Variants in CAPN3 observed in about 807,000 individuals in gnomAD.
CAPN3 encodes calpain 3, also known as calpain-3.
A neutral mutation model predicts 114.0 loss-of-function variants in CAPN3; 88 were observed. The ratio of observed to expected loss-of-function variants is 0.77; its 90% confidence interval spans 0.65 to 0.92. The LOEUF (loss-of-function observed/expected upper bound fraction) is 0.92. CAPN3 is among the 40% of genes least tolerant of loss of function. CAPN3 has a pLI of 0.00. For missense variants in CAPN3, 1,028 were observed against 1,069.0 expected (o/e 0.96, Z 0.53); for synonymous variants, 386 against 382.9 (o/e 1.01, Z -0.09).
rs121434546 is a variant in CAPN3 at position 42,360,062 on chromosome 15, C to T, written c.257C>T (p.Ser86Phe). The change falls in exon 1 of 24, where the codon TCT becomes TTT. Residue 86 changes from serine to phenylalanine, a missense_variant. Coordinates refer to ENST00000397163, the MANE Select transcript of CAPN3 (RefSeq NM_000070.3). ...VDPEFPPDET[S>F]LFYSQKFPIQ... Reference sequence around the variant, plus strand: ...CCTGAGTTCCCACCGGATGAGACCTCTCTCTTTTATAGCCAGAAGTTCCCC... The same window carrying T: ...CCTGAGTTCCCACCGGATGAGACCTTTCTCTTTTATAGCCAGAAGTTCCCC... The T allele has an allele frequency of 6.2e-7, 1 of 1,614,118 alleles. No homozygotes were observed. The highest frequency in any genetic ancestry group is 8.5e-7 in the Non-Finnish European group (1 of 1,180,040).
At chr15:42,390,462 G>A (rs2053524546) in intron 6 of CAPN3, among the ~76,000 whole-genome samples, 2 of 152,004 alleles carry the variant, frequency 1.3e-5, no homozygotes, top group Non-Finnish European at 2.9e-5. Flanking sequence ...TATGTTCCAG[G>A]CACTCCTCTA....
At chr15:42,385,324 G>A (rs2053364547) in intron 2 of CAPN3, among the ~76,000 whole-genome samples, 1 of 152,100 alleles carries the variant, frequency 6.6e-6, no homozygotes, top group African/African-American at 2.4e-5. Flanking sequence ...TTCCTGCAGA[G>A]CCCTGGGCAT....
intron 2 of CAPN3, chr15:42,385,687 C>T: frequency 1.9e-6 from 1 of 520,318 alleles, no homozygotes; most frequent in South Asian, 1.4e-5. Context: ...AGACGGGTTC[C>T]AGGGCAGCTG....
At chr15:42,396,745 C>A in intron 8 of CAPN3, 55 bp from the exon 9 acceptor site, 1 of 1,378,100 alleles carries the variant, frequency 7.3e-7, no homozygotes, top group Non-Finnish European at 1.0e-6. Context: ...CTGTCCCAAC[C>A]TACATCAGGC....
intron 1 of CAPN3, among the ~76,000 whole-genome samples, chr15:42,371,666 CAAG>C (rs1468852145): frequency 6.6e-6 from 1 of 152,054 alleles, no homozygotes; most frequent in Non-Finnish European, 1.5e-5. Context: ...TTCACTCTCT[CAAG>C]AATACTTTTT....
rs1216529297 is a variant in CAPN3 at position 42,387,526 on chromosome 15, G to A, written c.499-227G>A. Among the ~76,000 whole-genome samples the A allele has an allele frequency of 2.6e-5, 4 of 152,204 alleles. No individual in the cohort carries two copies. In the East Asian group the frequency reaches 7.7e-4, roughly 29 times the overall value. On this transcript the variant is annotated intron_variant, in intron 3 of 23. Coordinates refer to ENST00000397163, the MANE Select transcript of CAPN3 (RefSeq NM_000070.3). ...CATTACTGGGCTGGACTCTGTGGAA[G>A]ACATGAAGTATATGTAACTCACTTC...
At chr15:42,405,132 T>C (rs1221462288) in intron 14 of CAPN3, among the ~76,000 whole-genome samples, 1 of 152,096 alleles carries the variant, frequency 6.6e-6, no homozygotes, top group Non-Finnish European at 1.5e-5. Flanking sequence ...GCCGCAGGGA[T>C]TACAGGCCCA....
intron 1 of CAPN3, among the ~76,000 whole-genome samples, chr15:42,383,483 G>A (rs2141152953): frequency 6.6e-6 from 1 of 152,046 alleles, no homozygotes; most frequent in South Asian, 2.1e-4. Flanking sequence ...CAGCTACTCG[G>A]GAGGCTGAGA....
chr15:42,392,501 C>T (rs1414931090), intron 6 of CAPN3, 138 bp from the exon 7 acceptor site: 4 of 699,480 alleles, frequency 5.7e-6, no homozygotes, highest in Non-Finnish European at 7.8e-6. Context: ...CGTTCGTGGT[C>T]GTGAGGCACA....
chr15:42,401,845 A>T (rs773078302), intron 11 of CAPN3, 35 bp downstream of exon 11: 1 of 1,597,610 alleles, frequency 6.3e-7, no homozygotes, highest in Non-Finnish European at 8.5e-7. Flanking sequence ...CCCAGGAAAC[A>T]TACTTTCCCA....
chr15:42,380,793 G>T (rs1451285305), intron 1 of CAPN3, among the ~76,000 whole-genome samples: 10 of 99,072 alleles, frequency 1.0e-4, no homozygotes, highest in Non-Finnish European at 1.3e-4. Flanking sequence ...GTTTTGCCAT[G>T]TTGCCCAGGC....
chr15:42,380,344 A>G (rs1482442171), intron 1 of CAPN3, among the ~76,000 whole-genome samples: 1 of 49,518 alleles, frequency 2.0e-5, no homozygotes, highest in African/African-American at 7.6e-5. Flanking sequence ...ATCCTATTTT[A>G]TCCTTTTACC....
At chr15:42,372,555 G>T (rs1435068116) in intron 1 of CAPN3, among the ~76,000 whole-genome samples, 3 of 152,070 alleles carry the variant, frequency 2.0e-5, no homozygotes, top group East Asian at 1.9e-4. Flanking sequence ...TTGAGTCAAG[G>T]TCTCATTCTT....
intron 7 of CAPN3, among the ~76,000 whole-genome samples, chr15:42,393,579 T>C (rs2053612626): frequency 6.6e-6 from 1 of 150,820 alleles, no homozygotes; most frequent in Non-Finnish European, 1.5e-5. Flanking sequence ...CAGGGGCCTT[T>C]TGTCTTTCTT....
intron 1 of CAPN3, among the ~76,000 whole-genome samples, chr15:42,376,986 A>G (rs2053105639): frequency 6.6e-6 from 1 of 152,212 alleles, no homozygotes; most frequent in African/African-American, 2.4e-5. Context: ...TGGTATATAG[A>G]AAACTAATTG....
rs2053810540 is a variant in CAPN3 at position 42,399,670 on chromosome 15, T to C, written c.1354+18T>C. The C allele has an allele frequency of 3.2e-6, 5 of 1,584,334 alleles. No individual in the cohort carries two copies. Among genetic ancestry groups the C allele is most frequent in the Non-Finnish European group, 4.3e-6 (5 of 1,163,706 alleles). ...CTTCCCAGGTGGGAGATGCTCTTGATGGGGGGAGGGTCTAAGCCGAAAAAG... is the reference window on the plus strand; with the variant it reads ...CTTCCCAGGTGGGAGATGCTCTTGACGGGGGGAGGGTCTAAGCCGAAAAAG... On this transcript the variant is annotated intron_variant, in intron 10 of 23. Coordinates refer to ENST00000397163, the MANE Select transcript of CAPN3 (RefSeq NM_000070.3).
chr15:42,385,623 T>C, intron 2 of CAPN3: 1 of 513,766 alleles, frequency 1.9e-6, no homozygotes, highest in South Asian at 1.4e-5. Context: ...GTTCAGAGAA[T>C]AAGAAAACGT....
At chr15:42,398,401 A>G (rs2053761352) in intron 9 of CAPN3, among the ~76,000 whole-genome samples, 1 of 152,034 alleles carries the variant, frequency 6.6e-6, no homozygotes, top group Non-Finnish European at 1.5e-5. Flanking sequence ...CCTGGTCAAC[A>G]TGGTGAAACC....
At chr15:42,394,064 C>T (rs2053626609) in intron 7 of CAPN3, among the ~76,000 whole-genome samples, 192 bp from the exon 8 acceptor site, 1 of 152,066 alleles carries the variant, frequency 6.6e-6, no homozygotes, top group Non-Finnish European at 1.5e-5. Context: ...GTTAGGCAGA[C>T]TCAGGAGGAA....
Sources: allele counts gnomAD v4.1 joint callset (sites outside exome capture counted in the v4.1 genomes callset), GRCh38; gene constraint gnomAD v4.1.1; transcripts MANE v1.5; gene names NCBI Gene and HGNC (gene_info 2026-07-23, HGNC 2026-07-21).